Variants in LDLRAP1 observed in about 807,000 individuals in gnomAD.
The protein encoded by LDLRAP1 is low density lipoprotein receptor adaptor protein 1, also known as low density lipoprotein receptor adapter protein 1.
A neutral mutation model predicts 37.8 loss-of-function variants in LDLRAP1; 30 were observed. The ratio of observed to expected loss-of-function variants is 0.79; its 90% confidence interval spans 0.59 to 1.08. The LOEUF (loss-of-function observed/expected upper bound fraction) is 1.08, where lower values mean the gene tolerates loss of function less well. Ranked by LOEUF, LDLRAP1 falls within the 50% of genes least tolerant of loss-of-function variation. The pLI is 0.00. For missense variants in LDLRAP1, 375 were observed against 401.6 expected (o/e 0.93, Z 0.57); for synonymous variants, 156 against 169.8 (o/e 0.92, Z 0.63).
In LDLRAP1 at chr1:25,568,683, A is replaced by C. The variant is rs1319368098; in HGVS notation, c.*1691A>C. The C allele has an allele frequency of 6.6e-6, 1 of 152,214 alleles. No individual in the cohort carries two copies. Among genetic ancestry groups the C allele is most frequent in the Non-Finnish European group, 1.5e-5 (1 of 68,050 alleles). The allele number at this position is 152,214 out of a possible 1,614,324, so 9.4% of individuals were successfully genotyped here. On this transcript the variant is annotated 3_prime_UTR_variant, in exon 9 of 9. Coordinates refer to ENST00000374338, the MANE Select transcript of LDLRAP1 (RefSeq NM_015627.3). ...CATAAGGCGGCGTGGGCGAGGCCTGACACAGGCCAGCCTTGGCACGAGGGG... is the reference window on the plus strand; with the variant it reads ...CATAAGGCGGCGTGGGCGAGGCCTGCCACAGGCCAGCCTTGGCACGAGGGG...
the LDLRAP1 span, among the ~76,000 whole-genome samples, chr1:25,588,285 G>A: frequency 6.6e-6 from 1 of 152,200 alleles, no homozygotes; most frequent in Non-Finnish European, 1.5e-5. Context: ...TCTGTGCTGA[G>A]GAGGATTAGT....
downstream of LDLRAP1, among the ~76,000 whole-genome samples, chr1:25,571,246 C>A (rs1421096232): frequency 6.6e-6 from 1 of 152,226 alleles, no homozygotes; most frequent in Non-Finnish European, 1.5e-5. Context: ...TAGCTAGACA[C>A]CAGAGCAGAT....
At chr1:25,571,918 C>T (rs1168290457), downstream of LDLRAP1, among the ~76,000 whole-genome samples, 2 of 152,226 alleles carry the variant, frequency 1.3e-5, no homozygotes, top group Non-Finnish European at 2.9e-5. Context: ...GACTGAGGCA[C>T]AGCTGCTCTT....
rs1341564305 is a variant in LDLRAP1 at position 25,563,213 on chromosome 1, G to T, written c.616+60G>T. The T allele has an allele frequency of 7.5e-6, 11 of 1,470,204 alleles. No homozygotes were observed. The East Asian group carries it at 9.1e-5, about 12-fold the overall frequency. 91.1% of individuals were successfully genotyped at this position (1,470,204 alleles called of 1,614,324 possible). On this transcript the variant is annotated intron_variant, in intron 6 of 8. Transcript: ENST00000374338. ...GGTGTTGGGGTTGCGCTTCACCCAG[G>T]GGGGTCCCACTCCTGCCTGGGCTGG...
At chr1:25,584,147 CAT>C in the LDLRAP1 span, among the ~76,000 whole-genome samples, 1 of 152,068 alleles carries the variant, frequency 6.6e-6, no homozygotes, top group Non-Finnish European at 1.5e-5. Context: ...TCTGTGGGAA[CAT>C]GTGTGTGCTC....
chr1:25,577,478 C>A, the LDLRAP1 span, among the ~76,000 whole-genome samples: 2 of 152,038 alleles, frequency 1.3e-5, no homozygotes, highest in African/African-American at 4.8e-5. Context: ...AGGGAACAGA[C>A]GAGGAGCCAG....
chr1:25,572,129 G>C (rs939967193), downstream of LDLRAP1, among the ~76,000 whole-genome samples: 1 of 152,212 alleles, frequency 6.6e-6, no homozygotes, highest in African/African-American at 2.4e-5. Context: ...GACTGCATGT[G>C]CTAGCCTGGG....
Position 25,554,353 on chromosome 1 carries a change from G to C in LDLRAP1, c.231+289G>C, listed in dbSNP as rs1308319938. ...ACTTATCAGCACCAGGAAGGGTGGG[G>C]AGTTTGCTTTCCCTTGACTACCTGC... On this transcript the variant is annotated intron_variant, in intron 2 of 8. Transcript: ENST00000374338. This position sits in a 1 kb window ranked among gnomAD's most constrained non-coding sequence, Gnocchi z 5.4. 1.3e-5 allele frequency among the ~76,000 whole-genome samples: 2 copies of C among 152,184 alleles called. No individual in the cohort carries two copies. The highest frequency in any genetic ancestry group is 2.9e-5 in the Non-Finnish European group (2 of 68,024).
chr1:25,560,155 T>G (rs1381140693), intron 4 of LDLRAP1, among the ~76,000 whole-genome samples: 1 of 152,086 alleles, frequency 6.6e-6, no homozygotes, highest in African/African-American at 2.4e-5. Flanking sequence ...ATGGTTCCCC[T>G]GGGGTGGGTG....
chr1:25,585,486 T>C, the LDLRAP1 span, among the ~76,000 whole-genome samples: 4 of 152,240 alleles, frequency 2.6e-5, no homozygotes, highest in Middle Eastern at 3.4e-3. Flanking sequence ...CCACCACGCC[T>C]GGCTAACTTT....
chr1:25,543,804 AGCCGG>A lies in LDLRAP1; in HGVS notation c.88+30_88+34del. 1.7e-6 allele frequency: 2 copies of A among 1,201,348 alleles called. No homozygotes were observed. Among genetic ancestry groups the A allele is most frequent in the Non-Finnish European group, 2.1e-6 (2 of 967,530 alleles). The allele number at this position is 1,201,348 out of a possible 1,614,324, so 74.4% of individuals were successfully genotyped here. ...GCACCGCAGTGAGTGTGCGCGCGTCAGCCGGGCCGGGCCGGGATCGGGCAGAGGCG... is the reference window on the plus strand; with the variant it reads ...GCACCGCAGTGAGTGTGCGCGCGTCAGCCGGGCCGGGATCGGGCAGAGGCG... On this transcript the variant is annotated intron_variant, in intron 1 of 8. Coordinates refer to ENST00000374338, the MANE Select transcript of LDLRAP1 (RefSeq NM_015627.3).
At position 25,557,142 on chromosome 1, in the gene LDLRAP1, T is replaced by C. The variant is rs372613144; in HGVS notation, c.345-11T>C. 2 of 1,607,698 alleles carry C rather than the reference T, an allele frequency of 1.2e-6. No individual in the cohort carries two copies. The highest frequency in any genetic ancestry group is 2.7e-5 in the African/African-American group (2 of 74,818). ...TGCCAGGTCTGGTGATGCTTCCTCCTTGCCTTTCAGGATCTCCTATTGCAC... is the reference window on the plus strand; with the variant it reads ...TGCCAGGTCTGGTGATGCTTCCTCCCTGCCTTTCAGGATCTCCTATTGCAC... On this transcript the variant is annotated splice_polypyrimidine_tract_variant and intron_variant, in intron 3 of 8. Coordinates refer to ENST00000374338, the MANE Select transcript of LDLRAP1 (RefSeq NM_015627.3).
chr1:25,557,459 G>A, intron 4 of LDLRAP1, 192 bp downstream of exon 4: 1 of 605,070 alleles, frequency 1.7e-6, no homozygotes, highest in South Asian at 1.9e-5. Context: ...GCAGGCAGGT[G>A]AACCGCCGGT....
chr1:25,551,363 T>C (rs964647285), intron 1 of LDLRAP1, among the ~76,000 whole-genome samples: 4 of 152,222 alleles, frequency 2.6e-5, no homozygotes, highest in Non-Finnish European at 4.4e-5. Flanking sequence ...GGTAGTTTGC[T>C]GCATGATAAA....
At chr1:25,557,691 A>G (rs1159497795) in intron 4 of LDLRAP1, among the ~76,000 whole-genome samples, 1 of 152,054 alleles carries the variant, frequency 6.6e-6, no homozygotes, top group East Asian at 1.9e-4. Context: ...GCTTGCTGTG[A>G]CTGGAGTGTG....
At chr1:25,543,895 G>A (rs2043865198) in intron 1 of LDLRAP1, 109 bp downstream of exon 1, 1 of 637,808 alleles carries the variant, frequency 1.6e-6, no homozygotes, top group Non-Finnish European at 2.2e-6. Context: ...GGCCTCACCG[G>A]CGCTCCGGTC....
At chr1:25,562,751 G>A (rs762238218) in intron 5 of LDLRAP1, 35 bp downstream of exon 5, 1 of 1,586,740 alleles carries the variant, frequency 6.3e-7, no homozygotes, top group Non-Finnish European at 8.7e-7. Context: ...GGTGTGGTGG[G>A]AGGTGGGGAG....
In LDLRAP1 at chr1:25,555,829, A is replaced by G. The variant is rs889523662; in HGVS notation, c.344+857A>G. On this transcript the variant is annotated intron_variant, in intron 3 of 8. Transcript: ENST00000374338. The surrounding 1 kb of genome is among the most constrained non-coding windows in gnomAD (Gnocchi z 4.7). The stretch of plus-strand genomic sequence containing the variant: ...TACCTATTCTGCCAACGTCTGTGCC[A>G]GATGAGGACTCCAATCCTGCTCATT... Among the ~76,000 whole-genome samples the G allele has an allele frequency of 6.6e-6, 1 of 152,214 alleles. No individual in the cohort carries two copies. Among genetic ancestry groups the G allele is most frequent in the Non-Finnish European group, 1.5e-5 (1 of 68,040 alleles).
the LDLRAP1 span, among the ~76,000 whole-genome samples, chr1:25,580,803 A>G: frequency 6.6e-6 from 1 of 152,048 alleles, no homozygotes; most frequent in Non-Finnish European, 1.5e-5. Context: ...GAGCCACTGC[A>G]CCTGGCCCAC....
Sources: allele counts gnomAD v4.1 joint callset (sites outside exome capture counted in the v4.1 genomes callset), GRCh38; gene constraint gnomAD v4.1.1; non-coding constraint Gnocchi (gnomAD v3.1); transcripts MANE v1.5; gene names NCBI Gene and HGNC (gene_info 2026-07-23, HGNC 2026-07-21).